NSD1: variants seen among roughly 807,000 people sequenced by gnomAD.
NSD1 encodes the protein nuclear receptor binding SET domain protein 1.
A neutral mutation model predicts 242.7 loss-of-function variants in NSD1; 26 were observed. The ratio of observed to expected loss-of-function variants is 0.11; its 90% CI spans 0.08 to 0.15. The LOEUF is 0.15. NSD1 is among the 10% of genes least tolerant of loss of function. The probability of loss-of-function intolerance (pLI) is 1.00; values close to 1 mark genes in which losing one functional copy is unlikely to be tolerated. For synonymous variants in NSD1, 1,106 were observed against 1,178.1 expected (o/e 0.94, Z 1.25); for missense variants, 2,495 against 3,272.8 (o/e 0.76, Z 5.80).
At chr5:177,204,086 A>C in intron 3 of NSD1, 34 bp from the exon 4 acceptor site, 1 of 1,599,942 alleles carries the variant, frequency 6.3e-7, no homozygotes, top group South Asian at 1.1e-5. Flanking sequence ...AATTTCTTTG[A>C]TCTAATGATT....
intron 2 of NSD1, among the ~76,000 whole-genome samples, chr5:177,188,840 AT>A (rs1022537785): frequency 1.4e-4 from 21 of 151,768 alleles, no homozygotes; most frequent in African/African-American, 3.4e-4. Context: ...AACTTTTGTC[AT>A]TTTAAAAAAA....
chr5:177,172,122 T>TG (rs1759762672), intron 2 of NSD1, among the ~76,000 whole-genome samples: 1 of 152,230 alleles, frequency 6.6e-6, no homozygotes, highest in Non-Finnish European at 1.5e-5. Flanking sequence ...TTGACTGTTT[T>TG]GGGGGAGATA....
At position 177,280,698 on chromosome 5, in the gene NSD1, A is replaced by G; in HGVS notation, c.5756A>G (p.Glu1919Gly). ...SECINRMLLY[E>G]CHPTVCPAGG... ...TGCATCAACCGCATGCTGCTCTATG[A>G]GTGCCACCCCACAGTGTGTCCTGCC... is the stretch of plus-strand genomic sequence containing the variant. Residue 1919 changes from glutamate (E) to glycine (G), a missense_variant, in exon 18 of 23, where the codon GAG becomes GGG. Around this residue, in one of 19 missense-constraint regions of NSD1, gnomAD observed 114 missense variants for 247.4 expected, o/e 0.46. Coordinates refer to ENST00000439151, the MANE Select transcript of NSD1 (RefSeq NM_022455.5). The G allele has an allele frequency of 6.2e-7, 1 of 1,614,236 alleles. No homozygotes were observed. The highest frequency in any genetic ancestry group is 2.2e-5 in the East Asian group (1 of 44,892).
Position 177,173,141 on chromosome 5 carries a change from A to T in NSD1, c.928-18743A>T, listed in dbSNP as rs573355305. 2.0e-5 allele frequency among the ~76,000 whole-genome samples: 3 copies of T among 151,590 alleles called. No individual in the cohort carries two copies. In the East Asian group the frequency reaches 5.9e-4, roughly 30 times the overall value. The stretch of plus-strand genomic sequence containing the variant: ...ACCTGTCTCTACTAAAAATACAAAA[A>T]ATTAGCCGGGCGTGGTGGCAGGTGC... On this transcript the variant is annotated intron_variant, in intron 2 of 22. Coordinates refer to ENST00000439151, the MANE Select transcript of NSD1 (RefSeq NM_022455.5).
intron 8 of NSD1, among the ~76,000 whole-genome samples, chr5:177,241,178 T>C (rs1410078764): frequency 6.6e-6 from 1 of 152,070 alleles, no homozygotes; most frequent in Non-Finnish European, 1.5e-5. Context: ...TGATGTCCAG[T>C]TGTTTCAGCA....
chr5:177,204,074 G>T (rs368843948), intron 3 of NSD1, 46 bp from the exon 4 acceptor site: 1 of 1,568,300 alleles, frequency 6.4e-7, no homozygotes, highest in East Asian at 2.2e-5. Context: ...ATGATGAGAA[G>T]TAATTTCTTT....
intron 2 of NSD1, among the ~76,000 whole-genome samples, chr5:177,151,688 CTT>C (rs763118605): frequency 1.3e-4 from 19 of 141,560 alleles, no homozygotes; most frequent in Admixed American, 2.1e-4. Flanking sequence ...CGTGCGTGTC[CTT>C]TTTTTTTTTT....
intron 2 of NSD1, among the ~76,000 whole-genome samples, chr5:177,158,257 C>CTTTCTT (rs1758314431): frequency 1.1e-5 from 1 of 93,184 alleles, no homozygotes; most frequent in Non-Finnish European, 1.9e-5. Context: ...TTCTTTCTTT[C>CTTTCTT]TTTCTTTCTT....
At chr5:177,201,992 T>A (rs968787555) in intron 3 of NSD1, among the ~76,000 whole-genome samples, 7 of 151,872 alleles carry the variant, frequency 4.6e-5, no homozygotes, top group Non-Finnish European at 7.4e-5. Context: ...CATGAGGAAA[T>A]CTCGTCTTTA....
intron 4 of NSD1, among the ~76,000 whole-genome samples, chr5:177,207,128 G>T (rs947474024): frequency 2.6e-5 from 4 of 151,810 alleles, no homozygotes; most frequent in Non-Finnish European, 5.9e-5. Context: ...GTAGAGACAG[G>T]GTTTCACTAT....
intron 14 of NSD1, among the ~76,000 whole-genome samples, 170 bp downstream of exon 14, chr5:177,260,338 A>AATTTTTT: frequency 1.6e-5 from 2 of 124,056 alleles, no homozygotes; most frequent in Non-Finnish European, 3.5e-5. Context: ...ACATAGCAGA[A>AATTTTTT]CTTTTTTTTT....
rs189752879 is a variant in NSD1 at position 177,226,088 on chromosome 5, T to C, written c.3797-9733T>C. Reference sequence around the variant, plus strand: ...TTGAGACAGGGTCTCACTTTGTTGCTTAGGCTGGAGTGTGGTGGCACAATC... The same window carrying C: ...TTGAGACAGGGTCTCACTTTGTTGCCTAGGCTGGAGTGTGGTGGCACAATC... On this transcript the variant is annotated intron_variant, in intron 5 of 22. Coordinates refer to ENST00000439151, the MANE Select transcript of NSD1 (RefSeq NM_022455.5). 6.6e-5 allele frequency among the ~76,000 whole-genome samples: 10 copies of C among 152,296 alleles called. No individual in the cohort carries two copies. In the East Asian group the frequency reaches 1.7e-3, roughly 26 times the overall value.
chr5:177,158,116 C>T lies in NSD1; in HGVS notation c.927+22086C>T, dbSNP rs185840178. On this transcript the variant is annotated intron_variant, in intron 2 of 22. Coordinates refer to ENST00000439151, the MANE Select transcript of NSD1 (RefSeq NM_022455.5). Reference sequence around the variant, plus strand: ...GTTTTCAGTTCTCTTGGGAAAATACCTAGAAGTGGTATTGTCGGATCATAG... The same window carrying T: ...GTTTTCAGTTCTCTTGGGAAAATACTTAGAAGTGGTATTGTCGGATCATAG... 1.3e-4 allele frequency among the ~76,000 whole-genome samples: 20 copies of T among 152,192 alleles called. No homozygotes were observed. The East Asian group carries it at 3.9e-3, about 29-fold the overall frequency.
At chr5:177,267,513 A>G (rs74436451) in intron 14 of NSD1, 49 bp from the exon 15 acceptor site, 19 of 1,547,240 alleles carry the variant, frequency 1.2e-5, no homozygotes, top group Middle Eastern at 1.8e-4. Context: ...GTACACATAC[A>G]TGACTTGCAG....
chr5:177,195,216 C>T (rs1762015574), intron 3 of NSD1, among the ~76,000 whole-genome samples: 1 of 152,040 alleles, frequency 6.6e-6, no homozygotes, highest in Non-Finnish European at 1.5e-5. Context: ...GACACGGTAG[C>T]TCATGCCTAT....
In NSD1 at chr5:177,282,515, C is replaced by T. The variant is rs1484424588; in HGVS notation, c.5943C>T (p.Cys1981=). 4 of 1,613,748 alleles carry T rather than the reference C, an allele frequency of 2.5e-6. No individual in the cohort carries two copies. The highest frequency in any genetic ancestry group is 3.4e-6 in the Non-Finnish European group (4 of 1,179,904). ...GTGAGCTTATAGATGAAGAAGAATG[C>T]AGAGCTCGAATTCGCTATGCTCAAG... The part of the protein sequence containing the change: ...YVGELIDEEE[C]RARIRYAQEH... Residue 1981 remains cysteine (C), a synonymous_variant, in exon 19 of 23, where the codon TGC becomes TGT. Transcript: ENST00000439151.
intron 3 of NSD1, among the ~76,000 whole-genome samples, chr5:177,196,242 T>G (rs541269432): frequency 3.0e-4 from 45 of 152,134 alleles, no homozygotes; most frequent in Non-Finnish European, 5.0e-4. Flanking sequence ...TTAAAAAATT[T>G]TGTTATTTTT....
At chr5:177,202,834 CA>C (rs1762606404) in intron 3 of NSD1, among the ~76,000 whole-genome samples, 1 of 151,830 alleles carries the variant, frequency 6.6e-6, no homozygotes. Context: ...ATAAGGAGTT[CA>C]TTTTTTTTTT....
At position 177,259,896 on chromosome 5, in the gene NSD1, T is replaced by C. The variant is rs958870696; in HGVS notation, c.4967-93T>C. 2.2e-6 allele frequency: 3 copies of C among 1,385,858 alleles called. No homozygotes were observed. The African/African-American group carries it at 4.3e-5, about 20-fold the overall frequency. 85.8% of individuals were successfully genotyped at this position (1,385,858 alleles called of 1,614,324 possible). A position where few individuals can be genotyped will look rare whatever the true frequency, so the allele number is the denominator to read the frequency against. The stretch of plus-strand genomic sequence containing the variant: ...CATTCCTTCTATTTGTGACATTTTT[T>C]CAGTGCTAACAAATAGACTTGAATA... On this transcript the variant is annotated intron_variant, in intron 13 of 22. Coordinates refer to ENST00000439151, the MANE Select transcript of NSD1 (RefSeq NM_022455.5).
Sources: allele counts gnomAD v4.1 joint callset (sites outside exome capture counted in the v4.1 genomes callset), GRCh38; gene constraint gnomAD v4.1.1; regional missense constraint gnomAD v4.1.1; transcripts MANE v1.5; gene names NCBI Gene and HGNC (gene_info 2026-07-23, HGNC 2026-07-21).